Variants in GYS1 observed in about 807,000 individuals in gnomAD.
The protein encoded by GYS1 is glycogen [starch] synthase, muscle.
GYS1 carries 60 observed loss-of-function variants against 89.1 expected under a neutral mutation model. The observed-to-expected ratio is 0.67, with a 90% confidence interval of 0.55 to 0.84. The LOEUF (loss-of-function observed/expected upper bound fraction) is 0.84, where lower values mean the gene tolerates loss of function less well. Among genes scored for constraint, GYS1 ranks in the 40% least tolerant of loss-of-function variants. GYS1 has a pLI of 0.00. For synonymous variants in GYS1, 366 were observed against 401.7 expected (o/e 0.91, Z 1.06); for missense variants, 888 against 1,003.1 (o/e 0.89, Z 1.55).
chr19:48,968,925 G>C lies in GYS1; in HGVS notation c.*363C>G. On this transcript the variant is annotated 3_prime_UTR_variant, in exon 16 of 16. Coordinates refer to ENST00000323798, the MANE Select transcript of GYS1 (RefSeq NM_002103.5). Reference sequence around the variant, plus strand: ...GCTCTGTATGCTGTAGAATTTGTAAGCCACACGGGGGGCTCTAAAAGCCCC... The same window carrying C: ...GCTCTGTATGCTGTAGAATTTGTAACCCACACGGGGGGCTCTAAAAGCCCC... The C allele has an allele frequency of 2.0e-6, 1 of 506,676 alleles. No homozygotes were observed. The highest frequency in any genetic ancestry group is 3.8e-6 in the Non-Finnish European group (1 of 261,746). 31.4% of individuals were successfully genotyped at this position (506,676 alleles called of 1,614,324 possible). A position where few individuals can be genotyped will look rare whatever the true frequency, so the allele number is the denominator to read the frequency against.
Position 48,970,668 on chromosome 19 carries a change from A to T in GYS1, c.1687T>A (p.Ser563Thr). 6.2e-7 allele frequency: 1 copy of T among 1,614,026 alleles called. No individual in the cohort carries two copies. The highest frequency in any genetic ancestry group is 1.1e-5 in the South Asian group (1 of 91,082). ...LDRRFRSLDD[S>T]CSQLTSFLYS... ...AGGAAGGAGGTGAGCTGCGAGCAGG[A>T]ATCATCCAGGCTGCGGAACCGCCGG... Residue 563 changes from serine to threonine, a missense_variant, in exon 14 of 16, where the codon TCC becomes ACC. Physicochemically the swap from Ser to Thr is moderately conservative, Grantham distance 58. Coordinates refer to ENST00000323798, the MANE Select transcript of GYS1 (RefSeq NM_002103.5).
chr19:48,969,669 C>G (rs931895627), intron 15 of GYS1, 58 bp from the exon 16 acceptor site: 2 of 1,575,674 alleles, frequency 1.3e-6, no homozygotes, highest in Non-Finnish European at 1.7e-6. Flanking sequence ...CAGTCCCACC[C>G]AGGCATCCAG....
intron 3 of GYS1, 80 bp from the exon 4 acceptor site, chr19:48,986,115 C>T (rs1447369690): frequency 1.1e-5 from 14 of 1,301,430 alleles, no homozygotes; most frequent in East Asian, 4.8e-5. Flanking sequence ...GACAAGGACT[C>T]GGGGAGAGGT....
intron 6 of GYS1, 116 bp downstream of exon 6, chr19:48,982,604 G>C: frequency 1.1e-6 from 1 of 892,260 alleles, no homozygotes; most frequent in Non-Finnish European, 1.9e-6. Flanking sequence ...GAATACCCAG[G>C]TGCCCCCTCC....
chr19:48,981,367 C>G (rs531721929), intron 8 of GYS1, 163 bp downstream of exon 8: 1 of 637,808 alleles, frequency 1.6e-6, no homozygotes, highest in African/African-American at 1.8e-5. Flanking sequence ...GAGCCAAGAT[C>G]GCACCACTAC....
chr19:48,971,861 CTT>C lies in GYS1; in HGVS notation c.1550-840_1550-839del, dbSNP rs540518757. The stretch of plus-strand genomic sequence containing the variant: ...GTGAGCCACTGCGCCTGGCCCAATG[CTT>C]TTTTTTTTTTTTTCTCGAGACAAGG... On this transcript the variant is annotated intron_variant, in intron 12 of 15. Transcript: ENST00000323798. Among the ~76,000 whole-genome samples, 6 of 137,920 alleles carry C rather than the reference CTT, an allele frequency of 4.4e-5. No individual in the cohort carries two copies. The East Asian group carries it at 8.3e-4, about 19-fold the overall frequency. 90.5% of individuals were successfully genotyped at this position (137,920 alleles called of 152,430 possible). A position where few individuals can be genotyped will look rare whatever the true frequency, so the allele number is the denominator to read the frequency against.
intron 3 of GYS1, 60 bp from the exon 4 acceptor site, chr19:48,986,095 C>T: frequency 1.3e-6 from 2 of 1,505,688 alleles, no homozygotes. Context: ...AATCGGCAAT[C>T]CCCAGTAGGG....
At chr19:48,982,444 A>T in intron 6 of GYS1, 69 bp from the exon 7 acceptor site, 2 of 1,590,204 alleles carry the variant, frequency 1.3e-6, no homozygotes, top group Non-Finnish European at 1.7e-6. Flanking sequence ...AAAACTACAA[A>T]TCCCAGAAGC....
At chr19:48,974,549 AGT>A in intron 11 of GYS1, 69 bp downstream of exon 11, 1 of 1,091,680 alleles carries the variant, frequency 9.2e-7, no homozygotes, top group Non-Finnish European at 1.4e-6. Context: ...AGGGGAATGG[AGT>A]GTGTGAGGCC....
rs1432534514 is a variant in GYS1, at chr19:48,977,834, C to T, written c.1308+90G>A. On this transcript the variant is annotated intron_variant, in intron 10 of 15. Transcript: ENST00000323798. ...GGGCTGCAGGAGAAAGCAGGACTCC[C>T]AGCAATCTCTGGGGTCTGAGCTGGC... is the stretch of plus-strand genomic sequence containing the variant. 4 of 952,744 alleles carry T rather than the reference C, an allele frequency of 4.2e-6. No individual in the cohort carries two copies. The East Asian group carries it at 7.2e-5, about 17-fold the overall frequency. 59.0% of individuals were successfully genotyped at this position (952,744 alleles called of 1,614,324 possible).
At chr19:48,972,327 C>G (rs1397673652) in intron 12 of GYS1, among the ~76,000 whole-genome samples, 4 of 149,856 alleles carry the variant, frequency 2.7e-5, no homozygotes, top group Non-Finnish European at 5.9e-5. Context: ...GAGCAAGACT[C>G]TGTCTCAAAA....
chr19:48,987,419 C>A (rs1410106368), intron 2 of GYS1, 34 bp from the exon 3 acceptor site: 1 of 1,511,228 alleles, frequency 6.6e-7, no homozygotes, highest in South Asian at 1.3e-5. Context: ...CATAGGGAGG[C>A]TCTGGGCTTC....
Position 48,987,343 on chromosome 19 carries a change from C to G in GYS1, c.343G>C (p.Val115Leu), listed in dbSNP as rs1267837737. 1 of 1,611,312 alleles carries G rather than the reference C, an allele frequency of 6.2e-7. No individual in the cohort carries two copies. Residue 115 changes from valine (V) to leucine (L), a missense_variant, in exon 3 of 16, where the codon GTG (valine) becomes CTG (leucine). Physicochemically the swap from Val to Leu is conservative, Grantham distance 32. Transcript: ENST00000323798. ...GCTGAGGCACCCACGTCCAGGAGCA[C>G]CACCAGAGGGCCTCCCTCGATCAGC... ...RWLIEGGPLV[V>L]LLDVGASAWA...
chr19:48,981,392 G>T, intron 8 of GYS1, 138 bp downstream of exon 8: 1 of 687,356 alleles, frequency 1.5e-6, no homozygotes, highest in South Asian at 1.5e-5. Context: ...CAGCCTGGGC[G>T]ACAGAGTGAG....
rs766614540 is a variant in GYS1 at position 48,981,521 on chromosome 19, G to C, written c.1169+9C>G. 6 of 1,527,310 alleles carry C rather than the reference G, an allele frequency of 3.9e-6. No individual in the cohort carries two copies. Among genetic ancestry groups the C allele is most frequent in the Non-Finnish European group, 5.5e-6 (6 of 1,100,716 alleles). 94.6% of individuals were successfully genotyped at this position (1,527,310 alleles called of 1,614,324 possible). On this transcript the variant is annotated intron_variant, in intron 8 of 15. Transcript: ENST00000323798. ...GGCTGCGCCAGGGGCCGGAGCGAGG[G>C]CTGCTAACCAAAGCTGTTTGCGCAC... is the stretch of plus-strand genomic sequence containing the variant.
Position 48,985,591 on chromosome 19 carries a change from C to T in GYS1, c.693G>A (p.Lys231=), listed in dbSNP as rs5460. ...GGTAGATCTGCCTCTCCCCTGCTTCCTTGTCCACGTTGAACTGGGTGGGAG... is the reference window on the plus strand; with the variant it reads ...GGTAGATCTGCCTCTCCCCTGCTTCTTTGTCCACGTTGAACTGGGTGGGAG... ...YNNLENFNVD[K]EAGERQIYHR... is the part of the protein sequence containing the mutation. Residue 231 remains lysine (K), a synonymous_variant, in exon 5 of 16, where the codon AAG becomes AAA. Coordinates refer to ENST00000323798, the MANE Select transcript of GYS1 (RefSeq NM_002103.5). The T allele has an allele frequency of 2.4e-3, 3,951 of 1,614,106 alleles. 109 individuals are homozygous for T. The African/African-American group carries it at 0.047, about 19-fold the overall frequency.
At chr19:48,990,236 G>T (rs1011483696) in intron 2 of GYS1, among the ~76,000 whole-genome samples, 8 of 146,198 alleles carry the variant, frequency 5.5e-5, no homozygotes, top group African/African-American at 2.2e-4. Flanking sequence ...GGACAACAGC[G>T]TGCCGCCTGA....
chr19:48,989,915 C>A (rs372838632), intron 2 of GYS1, among the ~76,000 whole-genome samples: 1 of 151,882 alleles, frequency 6.6e-6, no homozygotes, highest in Non-Finnish European at 1.5e-5. Context: ...GAAGCAGCCC[C>A]GCTCCTCGCC....
intron 13 of GYS1, 43 bp from the exon 14 acceptor site, chr19:48,970,752 AT>A: frequency 6.3e-7 from 1 of 1,590,500 alleles, no homozygotes; most frequent in Non-Finnish European, 8.6e-7. Context: ...TCCTGGGGAG[AT>A]CTTCATGGTC....
Sources: gnomAD v4.1 joint callset for allele counts (sites outside exome capture counted in the v4.1 genomes callset) on GRCh38, gnomAD v4.1.1 for gene constraint, MANE v1.5 for transcripts, NCBI Gene and HGNC (gene_info 2026-07-23, HGNC 2026-07-21) for gene names.